Variants in MRM3 observed in about 807,000 individuals in gnomAD.
The protein encoded by MRM3 is rRNA methyltransferase 3, mitochondrial.
Under a neutral mutation model 29.4 loss-of-function variants are expected in MRM3, and 26 were observed. The ratio of observed to expected loss-of-function variants is 0.89; its 90% CI spans 0.65 to 1.23. The LOEUF is 1.23. Ranked by LOEUF, MRM3 falls within the 50% of genes most tolerant of loss-of-function variation. The pLI is 0.00. For missense variants in MRM3, 578 were observed against 540.2 expected, an observed-to-expected ratio of 1.07 and a Z score of -0.69; for synonymous variants, 225 against 219.0, an observed-to-expected ratio of 1.03 and a Z score of -0.24.
chr17:784,077 C>T (rs1444199865), intron 2 of MRM3, among the ~76,000 whole-genome samples: 1 of 152,214 alleles, frequency 6.6e-6, no homozygotes, highest in African/African-American at 2.4e-5. Context: ...GTCTTCTAGT[C>T]TGTTCCTTCA....
Position 787,838 on chromosome 17 carries a change from T to C in MRM3, c.560-127T>C. 1 of 997,086 alleles carries C rather than the reference T, an allele frequency of 1.0e-6. No homozygotes were observed. The highest frequency in any genetic ancestry group is 1.5e-6 in the Non-Finnish European group (1 of 650,698). The allele number at this position is 997,086 out of a possible 1,614,324, so 61.8% of individuals were successfully genotyped here. ...TGTTGGGATTACAGGCATGAGCCAG[T>C]ACACCTGGCCTGTATTCCTGTATTT... On this transcript the variant is annotated intron_variant, in intron 2 of 3. Coordinates refer to ENST00000304478, the MANE Select transcript of MRM3 (RefSeq NM_018146.4). The surrounding 1 kb of genome is among the most constrained non-coding windows in gnomAD (Gnocchi z 4.1).
chr17:789,452 T>A (rs1405004580), intron 3 of MRM3, among the ~76,000 whole-genome samples: 1 of 152,212 alleles, frequency 6.6e-6, no homozygotes, highest in Non-Finnish European at 1.5e-5. Flanking sequence ...AAATAGGGAT[T>A]AATAGGCTTG....
rs761902936 is a variant in MRM3 at position 783,109 on chromosome 17, G to C, written c.341G>C (p.Arg114Thr). The C allele has an allele frequency of 6.2e-6, 10 of 1,613,758 alleles. No homozygotes were observed. The East Asian group carries it at 1.8e-4, about 29-fold the overall frequency. ...AGTGTAATGACAATAGTAAAGTCCA[G>C]GCCATTTCGGGAAAAACAAGGGAAG... ...LSSVMTIVKS[R>T]PFREKQGKIL... The change falls in exon 2 of 4, where the codon AGG becomes ACG. Residue 114 changes from arginine (R) to threonine (T), a missense_variant. By Grantham distance (71) the Arg-to-Thr change is moderately conservative (BLOSUM62 -1). Transcript: ENST00000304478.
intron 3 of MRM3, among the ~76,000 whole-genome samples, 154 bp from the exon 4 acceptor site, chr17:791,380 T>A (rs1249260246): frequency 6.6e-6 from 1 of 152,182 alleles, no homozygotes; most frequent in East Asian, 1.9e-4. Flanking sequence ...CTGTGCTGGA[T>A]GCTGTCAGAG....
chr17:782,536 C>G lies in MRM3; in HGVS notation c.158C>G (p.Ala53Gly). The G allele has an allele frequency of 6.2e-7, 1 of 1,613,792 alleles. No individual in the cohort carries two copies. The highest frequency in any genetic ancestry group is 1.1e-5 in the South Asian group (1 of 91,084). The change falls in exon 1 of 4, where the codon GCT becomes GGT. Residue 53 changes from alanine to glycine, a missense_variant. Transcript: ENST00000304478. ...GGAGAGGTGGTGGAACAGAAGCGCG[C>G]TCCTGGGAAGCAGCCCCGCAAGGCA... The part of the protein sequence containing the change: ...PSGEVVEQKR[A>G]PGKQPRKAPS...
rs778951778 is a variant in MRM3 at position 788,114 on chromosome 17, A to G, written c.709A>G (p.Lys237Glu). Reference sequence around the variant, plus strand: ...ATCTGCAGCTGGGGCAGGCTGCAGCAAAGTGTTACTCACCAAAGGTAAGGA... The same window carrying G: ...ATCTGCAGCTGGGGCAGGCTGCAGCGAAGTGTTACTCACCAAAGGTAAGGA... ...LRSAAGAGCS[K>E]VLLTKGCVDA... The change falls in exon 3 of 4, where the codon AAA (lysine) becomes GAA (glutamate). Residue 237 changes from lysine (K) to glutamate (E), a missense_variant. By Grantham distance (56) the Lys-to-Glu change is moderately conservative. Transcript: ENST00000304478. The G allele has an allele frequency of 5.6e-6, 9 of 1,614,166 alleles. No homozygotes were observed. The highest frequency in any genetic ancestry group is 7.6e-6 in the Non-Finnish European group (9 of 1,180,022).
chr17:782,668 C>G lies in MRM3; in HGVS notation c.290C>G (p.Ala97Gly). 6.2e-7 allele frequency: 1 copy of G among 1,606,976 alleles called. No individual in the cohort carries two copies. The highest frequency in any genetic ancestry group is 1.1e-5 in the South Asian group (1 of 90,948). The change falls in exon 1 of 4, where the codon GCT becomes GGT. Residue 97 changes from alanine (A) to glycine (G), a missense_variant. Physicochemically the swap from Ala to Gly is moderately conservative, Grantham distance 60 (BLOSUM62 0). Transcript: ENST00000304478. The part of the protein sequence containing the change: ...WEESGLRYDK[A>G]YPGDRRLSSV... ...GAGTCTGGGCTTCGCTACGATAAAG[C>G]TTATCCCGGGGACAGGAGGCTGAGG...
chr17:786,583 G>C (rs1196324250), intron 2 of MRM3, among the ~76,000 whole-genome samples: 1 of 151,862 alleles, frequency 6.6e-6, no homozygotes, highest in Non-Finnish European at 1.5e-5. Context: ...CCTAATTTTT[G>C]TATTTTTATT....
chr17:790,819 C>CATG (rs1328114937), intron 3 of MRM3, among the ~76,000 whole-genome samples: 4 of 29,904 alleles, frequency 1.3e-4, no homozygotes, highest in African/African-American at 6.5e-4. Context: ...GCCGGCTCAC[C>CATG]CCCTGTGCCG....
intron 2 of MRM3, among the ~76,000 whole-genome samples, chr17:785,163 T>TA (rs60370706): frequency 2.4e-4 from 35 of 147,254 alleles, no homozygotes; most frequent in African/African-American, 3.5e-4. Context: ...GTGCTTGGCT[T>TA]AAAAAAAAAA....
chr17:786,621 G>C (rs1402438523), intron 2 of MRM3, among the ~76,000 whole-genome samples: 6 of 151,970 alleles, frequency 3.9e-5, no homozygotes, highest in Non-Finnish European at 8.8e-5. Context: ...ATGTTGTTCA[G>C]GCTGGTCTCA....
In MRM3 at chr17:791,400, A is replaced by C. The variant is rs577899290; in HGVS notation, c.728-134A>C. 1.8e-3 allele frequency: 1,502 copies of C among 845,056 alleles called. 3 individuals carry two copies. The highest frequency in any genetic ancestry group is 2.4e-3 in the Non-Finnish European group (1,321 of 549,568). The allele number at this position is 845,056 out of a possible 1,614,324, so 52.3% of individuals were successfully genotyped here. A position where few individuals can be genotyped will look rare whatever the true frequency, so the allele number is the denominator to read the frequency against. On this transcript the variant is annotated intron_variant, in intron 3 of 3. Transcript: ENST00000304478. The stretch of plus-strand genomic sequence containing the variant: ...CTGGATGCTGTCAGAGAGAGGCAGA[A>C]GGTCCCATCCCTCAAGAAAGCTATC...
At chr17:782,905 C>G (rs1439369605) in intron 1 of MRM3, among the ~76,000 whole-genome samples, 178 bp from the exon 2 acceptor site, 1 of 152,168 alleles carries the variant, frequency 6.6e-6, no homozygotes, top group Non-Finnish European at 1.5e-5. Context: ...CCAGGCTGAT[C>G]TGGAACTCCT....
At position 783,494 on chromosome 17, in the gene MRM3, G is replaced by A. The variant is rs1597593615; in HGVS notation, c.559+167G>A. 1.1e-5 allele frequency: 7 copies of A among 609,436 alleles called. No homozygotes were observed. The East Asian group carries it at 2.4e-4, about 21-fold the overall frequency. 37.8% of individuals were successfully genotyped at this position (609,436 alleles called of 1,614,324 possible). A position where few individuals can be genotyped will look rare whatever the true frequency, so the allele number is the denominator to read the frequency against. On this transcript the variant is annotated intron_variant, in intron 2 of 3. Coordinates refer to ENST00000304478, the MANE Select transcript of MRM3 (RefSeq NM_018146.4). ...TGGGATTACAGGCGTCTGCCACCAT[G>A]CCCGGGTGATTTTTGTATTTTTAGT...
intron 3 of MRM3, among the ~76,000 whole-genome samples, chr17:788,629 TG>T (rs1402019836): frequency 1.3e-5 from 2 of 152,120 alleles, no homozygotes; most frequent in Non-Finnish European, 2.9e-5. Flanking sequence ...AGTCAATCAC[TG>T]TTAGGTGAGC....
chr17:784,288 G>T (rs1017863551), intron 2 of MRM3, among the ~76,000 whole-genome samples: 1 of 152,190 alleles, frequency 6.6e-6, no homozygotes. Flanking sequence ...GAGTCACAGG[G>T]ATCTGTGCCT....
In MRM3 at chr17:791,910, G is replaced by C; in HGVS notation, c.1104G>C (p.Gln368His). The C allele has an allele frequency of 6.2e-7, 1 of 1,613,980 alleles. No homozygotes were observed. Among genetic ancestry groups the C allele is most frequent in the Non-Finnish European group, 8.5e-7 (1 of 1,180,034 alleles). ...ETYGVSLESLQLAESTGGKRL... is the reference protein window; with the variant it reads ...ETYGVSLESLHLAESTGGKRL... ...ACGGCGTGAGCCTGGAGTCCCTGCAGCTGGCCGAGAGCACTGGTGGCAAGA... is the reference window on the plus strand; with the variant it reads ...ACGGCGTGAGCCTGGAGTCCCTGCACCTGGCCGAGAGCACTGGTGGCAAGA... Residue 368 changes from glutamine to histidine, a missense_variant, in exon 4 of 4, where the codon CAG (glutamine) becomes CAC (histidine). Coordinates refer to ENST00000304478, the MANE Select transcript of MRM3 (RefSeq NM_018146.4).
rs568313787 is a variant in MRM3 at position 791,504 on chromosome 17, C to A, written c.728-30C>A. 2.1e-5 allele frequency: 33 copies of A among 1,598,510 alleles called. 1 individual carries two copies. In the South Asian group the frequency reaches 3.5e-4, roughly 17 times the overall value. Reference sequence around the variant, plus strand: ...TCCCCTGGTCTGGGAAGATTTGTAACATCTTGATTGTTTCCTTTTTATTTT... The same window carrying A: ...TCCCCTGGTCTGGGAAGATTTGTAAAATCTTGATTGTTTCCTTTTTATTTT... On this transcript the variant is annotated intron_variant, in intron 3 of 3. Transcript: ENST00000304478.
intron 3 of MRM3, 85 bp downstream of exon 3, chr17:788,217 C>T: frequency 7.4e-7 from 1 of 1,349,594 alleles, no homozygotes; most frequent in South Asian, 1.3e-5. Context: ...CACTTGAGCC[C>T]AGGAGTTCAG....
Sources: allele counts gnomAD v4.1 joint callset (sites outside exome capture counted in the v4.1 genomes callset), GRCh38; gene constraint gnomAD v4.1.1; non-coding constraint Gnocchi (gnomAD v3.1); transcripts MANE v1.5; gene names NCBI Gene and HGNC (gene_info 2026-07-23, HGNC 2026-07-21).